The following MACROD2 variants were observed in gnomAD, a reference collection of about 807,000 sequenced individuals.
The protein encoded by MACROD2 is mono-ADP ribosylhydrolase 2, also known as ADP-ribose glycohydrolase MACROD2.
In MACROD2, 36 loss-of-function variants were observed where a neutral mutation model predicts 70.4. The observed-to-expected ratio is 0.51, with a 90% confidence interval of 0.39 to 0.68. The LOEUF is 0.68. Among genes scored for constraint, MACROD2 ranks in the 30% least tolerant of loss-of-function variants. The pLI, the probability that MACROD2 is intolerant of heterozygous loss-of-function variation, is 0.00. For synonymous variants in MACROD2, 172 were observed against 178.8 expected (o/e 0.96, Z 0.30); for missense variants, 496 against 538.4 (o/e 0.92, Z 0.78).
intron 5 of MACROD2, among the ~76,000 whole-genome samples, chr20:15,125,292 T>C (rs2076058451): frequency 6.6e-6 from 1 of 152,068 alleles, no homozygotes; most frequent in South Asian, 2.1e-4. Flanking sequence ...AATATGGCCT[T>C]AAACTCTCTT....
intron 16 of MACROD2, among the ~76,000 whole-genome samples, chr20:16,042,840 A>G (rs938912590): frequency 3.9e-5 from 6 of 152,056 alleles, no homozygotes; most frequent in African/African-American, 1.4e-4. Context: ...AGGTGAGAAC[A>G]CTGAGACCTG....
At chr20:14,640,420 T>TC (rs1449250827) in intron 4 of MACROD2, among the ~76,000 whole-genome samples, 1 of 152,190 alleles carries the variant, frequency 6.6e-6, no homozygotes, top group Non-Finnish European at 1.5e-5. Flanking sequence ...TATTTTTTTT[T>TC]CTAAGTTCAT....
chr20:15,579,992 A>G (rs529111266), intron 8 of MACROD2, among the ~76,000 whole-genome samples: 46 of 152,270 alleles, frequency 3.0e-4, no homozygotes, highest in African/African-American at 1.1e-3. Context: ...AGAGTCCTAT[A>G]TCTTTAGTCT....
intron 5 of MACROD2, among the ~76,000 whole-genome samples, chr20:15,068,704 T>C (rs916206462): frequency 6.6e-6 from 1 of 152,126 alleles, no homozygotes; most frequent in Non-Finnish European, 1.5e-5. Context: ...GATATGGGTG[T>C]GATGTTTGTA....
At chr20:14,506,168 A>G (rs1048957397) in intron 4 of MACROD2, among the ~76,000 whole-genome samples, 2 of 152,158 alleles carry the variant, frequency 1.3e-5, no homozygotes, top group African/African-American at 4.8e-5. Context: ...ATGAGGGCCA[A>G]AAGCCTGAAG....
intron 13 of MACROD2, among the ~76,000 whole-genome samples, chr20:15,976,677 G>T (rs1309146560): frequency 6.6e-6 from 1 of 152,120 alleles, no homozygotes; most frequent in Admixed American, 6.5e-5. Flanking sequence ...AGCCTGCCTC[G>T]TTTTCAAAGC....
chr20:15,914,805 C>T (rs779424563), intron 10 of MACROD2, among the ~76,000 whole-genome samples: 1 of 152,178 alleles, frequency 6.6e-6, no homozygotes, highest in South Asian at 2.1e-4. Context: ...GTCCAGGCAA[C>T]CTGTACTTCT....
At chr20:14,608,040 G>C (rs1655589015) in intron 4 of MACROD2, among the ~76,000 whole-genome samples, 1 of 152,066 alleles carries the variant, frequency 6.6e-6, no homozygotes, top group African/African-American at 2.4e-5. Flanking sequence ...ATCACCTGAG[G>C]TCAGGAGTTC....
intron 5 of MACROD2, among the ~76,000 whole-genome samples, chr20:14,967,221 C>G (rs1271920856): frequency 6.6e-6 from 1 of 152,116 alleles, no homozygotes; most frequent in Admixed American, 6.5e-5. Context: ...GAGACGGAGT[C>G]TCTCTCTGAC....
At chr20:16,033,563 G>T (rs1404822105) in intron 15 of MACROD2, among the ~76,000 whole-genome samples, 1 of 151,998 alleles carries the variant, frequency 6.6e-6, no homozygotes, top group African/African-American at 2.4e-5. Flanking sequence ...CCCAGAAGTA[G>T]CCAATAAATA....
At chr20:15,987,010 T>G in intron 14 of MACROD2, 56 bp from the exon 15 acceptor site, 1 of 1,430,744 alleles carries the variant, frequency 7.0e-7, no homozygotes. Context: ...CACAGTATTC[T>G]CTCAATGATT....
At chr20:15,720,491 G>A (rs2050772401) in intron 8 of MACROD2, among the ~76,000 whole-genome samples, 1 of 152,150 alleles carries the variant, frequency 6.6e-6, no homozygotes, top group East Asian at 1.9e-4. Context: ...CCCTAACCCA[G>A]GGTTTCAATT....
intron 8 of MACROD2, among the ~76,000 whole-genome samples, chr20:15,505,347 G>T (rs1041870316): frequency 4.6e-5 from 7 of 152,146 alleles, no homozygotes; most frequent in Non-Finnish European, 1.0e-4. Context: ...GATTTCCCAG[G>T]AACTTTTAAA....
intron 3 of MACROD2, among the ~76,000 whole-genome samples, chr20:14,185,346 G>A (rs2081336424): frequency 1.3e-5 from 2 of 151,874 alleles, no homozygotes; most frequent in Non-Finnish European, 2.9e-5. Context: ...TCCTTGGAAG[G>A]ACTATCTACA....
At chr20:14,301,595 A>C (rs2082475660) in intron 3 of MACROD2, among the ~76,000 whole-genome samples, 1 of 152,218 alleles carries the variant, frequency 6.6e-6, no homozygotes, top group East Asian at 1.9e-4. Flanking sequence ...AATGGTGAAT[A>C]GTTGGTTCCT....
chr20:14,658,089 T>A (rs1194714321), intron 4 of MACROD2, among the ~76,000 whole-genome samples: 1 of 151,928 alleles, frequency 6.6e-6, no homozygotes, highest in Non-Finnish European at 1.5e-5. Context: ...TTTTGCATCC[T>A]TTTTTTTCAA....
chr20:14,134,226 A>G (rs2054759325), intron 3 of MACROD2, among the ~76,000 whole-genome samples: 1 of 152,168 alleles, frequency 6.6e-6, no homozygotes, highest in African/African-American at 2.4e-5. Context: ...TCTCAGTAGT[A>G]CTTGGCAGCT....
intron 5 of MACROD2, among the ~76,000 whole-genome samples, chr20:15,171,955 T>G (rs2076425628): frequency 6.6e-6 from 1 of 152,202 alleles, no homozygotes; most frequent in Non-Finnish European, 1.5e-5. Context: ...TCTTCCTGAA[T>G]AAATAAATGA....
intron 5 of MACROD2, among the ~76,000 whole-genome samples, chr20:15,024,956 C>A (rs2075218949): frequency 6.6e-6 from 1 of 152,138 alleles, no homozygotes; most frequent in Non-Finnish European, 1.5e-5. Context: ...GGATGGGATA[C>A]AGGTTTAAAT....
Sources: allele counts gnomAD v4.1 joint callset (sites outside exome capture counted in the v4.1 genomes callset), GRCh38; gene constraint gnomAD v4.1.1; transcripts MANE v1.5; gene names NCBI Gene and HGNC (gene_info 2026-07-23, HGNC 2026-07-21).